PRIM2: variants seen among roughly 807,000 people sequenced by gnomAD.
PRIM2 encodes the protein DNA primase large subunit.
A neutral mutation model predicts 67.3 loss-of-function variants in PRIM2; 39 were observed. That is an observed-to-expected ratio of 0.58 (90% CI 0.45 to 0.76). PRIM2 has a LOEUF of 0.76. Ranked by LOEUF, PRIM2 falls within the 30% of genes least tolerant of loss-of-function variation. PRIM2 has a pLI of 0.00. For synonymous variants in PRIM2, 143 were observed against 198.7 expected (o/e 0.72, Z 2.36); for missense variants, 398 against 598.7 (o/e 0.66, Z 3.50).
the PRIM2 span, among the ~76,000 whole-genome samples, chr6:57,270,199 T>G: frequency 6.6e-6 from 1 of 152,208 alleles, no homozygotes; most frequent in African/African-American, 2.4e-5. Flanking sequence ...GGGATGGCAT[T>G]GAATCTATAA....
chr6:57,575,239 C>T (rs1277127292), intron 10 of PRIM2, among the ~76,000 whole-genome samples: 1 of 152,182 alleles, frequency 6.6e-6, no homozygotes, highest in Non-Finnish European at 1.5e-5. Flanking sequence ...TCTTTTCTCT[C>T]TTTCTCACTG....
At chr6:57,563,234 A>T (rs1172185631) in intron 10 of PRIM2, among the ~76,000 whole-genome samples, 3 of 151,436 alleles carry the variant, frequency 2.0e-5, no homozygotes, top group Non-Finnish European at 4.4e-5. Context: ...TATGTTACTA[A>T]TCTTAAAATA....
At chr6:57,330,593 T>C (rs1436979378) in intron 5 of PRIM2, among the ~76,000 whole-genome samples, 1 of 152,160 alleles carries the variant, frequency 6.6e-6, no homozygotes, top group African/African-American at 2.4e-5. Flanking sequence ...CTGACTCCTT[T>C]CTAATCAGGA....
the PRIM2 span, among the ~76,000 whole-genome samples, chr6:57,260,427 A>G: frequency 6.6e-6 from 1 of 152,212 alleles, no homozygotes; most frequent in Non-Finnish European, 1.5e-5. Flanking sequence ...AAAGTGAAAA[A>G]TGTGGTGAAT....
chr6:57,593,530 T>C (rs1776317820), intron 10 of PRIM2, among the ~76,000 whole-genome samples: 1 of 152,222 alleles, frequency 6.6e-6, no homozygotes. Flanking sequence ...CTCGAACTCC[T>C]GACCTCAAGT....
At chr6:57,462,027 T>C (rs1336062422) in intron 7 of PRIM2, among the ~76,000 whole-genome samples, 3 of 152,196 alleles carry the variant, frequency 2.0e-5, no homozygotes, top group African/African-American at 7.2e-5. Context: ...AAATGAGATA[T>C]TAGGTTAAAA....
the PRIM2 span, among the ~76,000 whole-genome samples, chr6:57,270,263 G>A: frequency 6.6e-6 from 1 of 152,048 alleles, no homozygotes; most frequent in African/African-American, 2.4e-5. Context: ...CTACCCATGA[G>A]CATGGAATGT....
rs377078433 is a variant in PRIM2 at position 57,416,972 on chromosome 6, C to CTT, written c.693+34815_693+34816dup. 2.2e-3 allele frequency among the ~76,000 whole-genome samples: 312 copies of CTT among 144,396 alleles called. 1 individual carries two copies. Among genetic ancestry groups the CTT allele is most frequent in the Middle Eastern group, 3.6e-3 (1 of 280 alleles). 94.7% of individuals were successfully genotyped at this position (144,396 alleles called of 152,430 possible). ...CTTCACTTCACTTTCTTCTTTTTTT[C>CTT]TTTTTTTTTTTTGAGACAGAGTCTT... is the stretch of plus-strand genomic sequence containing the variant. On this transcript the variant is annotated intron_variant, in intron 7 of 13. Transcript: ENST00000615550.
the PRIM2 span, among the ~76,000 whole-genome samples, chr6:57,304,118 T>C: frequency 1.3e-4 from 20 of 152,278 alleles, no homozygotes; most frequent in African/African-American, 2.4e-4. Flanking sequence ...ACCAATCCCA[T>C]TGGGGTCACA....
chr6:57,524,594 G>C, intron 8 of PRIM2, among the ~76,000 whole-genome samples: 1 of 152,118 alleles, frequency 6.6e-6, no homozygotes, highest in East Asian at 1.9e-4. Flanking sequence ...CCAGCTACTC[G>C]GGAGGCTGAG....
chr6:57,566,473 T>C (rs2127479986), intron 10 of PRIM2, among the ~76,000 whole-genome samples: 1 of 152,312 alleles, frequency 6.6e-6, no homozygotes, highest in East Asian at 1.9e-4. Flanking sequence ...AGTGTTTGGC[T>C]TCCTCAGAAA....
At chr6:57,251,008 C>T in the PRIM2 span, among the ~76,000 whole-genome samples, 1 of 152,058 alleles carries the variant, frequency 6.6e-6, no homozygotes, top group South Asian at 2.1e-4. Flanking sequence ...ACTTCTTGTC[C>T]CAAGCATTTC....
chr6:57,308,391 G>A, the PRIM2 span, among the ~76,000 whole-genome samples: 5 of 152,130 alleles, frequency 3.3e-5, no homozygotes, highest in Non-Finnish European at 7.4e-5. Context: ...CCATAGTGTT[G>A]GGATTACAGG....
the PRIM2 span, among the ~76,000 whole-genome samples, chr6:57,233,871 C>T: frequency 3.9e-5 from 6 of 152,060 alleles, no homozygotes; most frequent in Non-Finnish European, 5.9e-5. Context: ...CAATGTTGCC[C>T]AGGCTGGACT....
rs1203566656 is a variant in PRIM2 at position 57,624,118 on chromosome 6, A to T, written c.1231-8015A>T. 6.6e-5 allele frequency among the ~76,000 whole-genome samples: 10 copies of T among 152,330 alleles called. No individual in the cohort carries two copies. The East Asian group carries it at 1.5e-3, about 23-fold the overall frequency. On this transcript the variant is annotated intron_variant, in intron 12 of 13. Coordinates refer to ENST00000615550, the MANE Select transcript of PRIM2 (RefSeq NM_000947.5). ...GGCTTGGTTTTATATTAGGCCAAAA[A>T]ATAGAATACTCAAAGCACAGTAATA...
intron 10 of PRIM2, among the ~76,000 whole-genome samples, chr6:57,546,554 AT>A (rs1395522311): frequency 1.3e-5 from 2 of 152,082 alleles, no homozygotes; most frequent in African/African-American, 2.4e-5. Context: ...TTTTATAATT[AT>A]TTTAATAAAA....
At chr6:57,559,678 T>C (rs1275080354) in intron 10 of PRIM2, among the ~76,000 whole-genome samples, 3 of 152,216 alleles carry the variant, frequency 2.0e-5, no homozygotes, top group African/African-American at 7.2e-5. Flanking sequence ...GCAGGTTTTG[T>C]TCCAGACCAC....
chr6:57,328,757 G>T (rs556742448), intron 5 of PRIM2, among the ~76,000 whole-genome samples: 10 of 152,200 alleles, frequency 6.6e-5, no homozygotes, highest in Middle Eastern at 3.4e-3. Flanking sequence ...TTCCAAAGTG[G>T]CTGTATCATT....
chr6:57,510,664 CG>C lies in PRIM2; in HGVS notation c.761+3212del, dbSNP rs1430498107. Among the ~76,000 whole-genome samples the C allele has an allele frequency of 9.5e-3, 1,451 of 152,104 alleles. 12 individuals are homozygous for C. The highest frequency in any genetic ancestry group is 0.015 in the Non-Finnish European group (1,004 of 67,974). The stretch of plus-strand genomic sequence containing the variant: ...TTATTATTATTATTATTAAACAAAA[CG>C]GTTTCTCATTTTATTACCATGTCAG... On this transcript the variant is annotated intron_variant, in intron 8 of 13. Transcript: ENST00000615550.
Sources: gnomAD v4.1 joint callset for allele counts (sites outside exome capture counted in the v4.1 genomes callset) on GRCh38, gnomAD v4.1.1 for gene constraint, MANE v1.5 for transcripts, NCBI Gene and HGNC (gene_info 2026-07-23, HGNC 2026-07-21) for gene names.